RBFOX1: variants seen among roughly 807,000 people sequenced by gnomAD.
RBFOX1 encodes RNA binding fox-1 homolog 1.
A neutral mutation model predicts 57.7 loss-of-function variants in RBFOX1; 8 were observed. The observed-to-expected ratio is 0.14, with a 90% confidence interval of 0.08 to 0.25. The LOEUF (loss-of-function observed/expected upper bound fraction) is 0.25. RBFOX1 is among the 10% of genes least tolerant of loss of function. The probability of loss-of-function intolerance (pLI) is 1.00; values close to 1 mark genes in which losing one functional copy is unlikely to be tolerated. For synonymous variants in RBFOX1, 326 were observed against 222.4 expected (o/e 1.47, Z -4.15); for missense variants, 611 against 548.5 (o/e 1.11, Z -1.14).
chr16:7,633,526 TAAAC>T lies in RBFOX1; in HGVS notation c.757+2847_757+2850del, dbSNP rs537960182. Among the ~76,000 whole-genome samples the T allele has an allele frequency of 4.2e-3, 645 of 152,320 alleles. 5 individuals are homozygous for T. The highest frequency in any genetic ancestry group is 0.015 in the African/African-American group (604 of 41,558). On this transcript the variant is annotated intron_variant, in intron 11 of 15. Transcript: ENST00000550418. The stretch of plus-strand genomic sequence containing the variant: ...CATAGCAATTTTTTTTCAAAAATAT[TAAAC>T]AAAATAAACACCCTTCAATAGAGCA...
At chr16:6,936,930 T>C (rs931676178) in intron 3 of RBFOX1, among the ~76,000 whole-genome samples, 12 of 115,268 alleles carry the variant, frequency 1.0e-4, no homozygotes, top group African/African-American at 1.3e-4. Flanking sequence ...TGTGATCTCA[T>C]TGGGACTGTT....
At chr16:7,450,515 C>T (rs1331208914) in intron 4 of RBFOX1, among the ~76,000 whole-genome samples, 1 of 152,012 alleles carries the variant, frequency 6.6e-6, no homozygotes, top group Non-Finnish European at 1.5e-5. Context: ...GATAACGGCC[C>T]CCGACTCCCA....
At chr16:5,527,859 C>T (rs1250680857) in intron 2 of RBFOX1, among the ~76,000 whole-genome samples, 3 of 152,150 alleles carry the variant, frequency 2.0e-5, no homozygotes, top group Non-Finnish European at 4.4e-5. Flanking sequence ...AAGTGGGCCA[C>T]TCTAAGAAAA....
At chr16:6,594,714 T>C (rs570216513) in intron 2 of RBFOX1, among the ~76,000 whole-genome samples, 1 of 152,256 alleles carries the variant, frequency 6.6e-6, no homozygotes, top group East Asian at 1.9e-4. Context: ...TTGAGATGTT[T>C]TTATTGAGGT....
At chr16:6,859,833 T>C (rs781110803) in intron 3 of RBFOX1, among the ~76,000 whole-genome samples, 10 of 123,742 alleles carry the variant, frequency 8.1e-5, no homozygotes, top group Admixed American at 1.5e-4. Flanking sequence ...TGTTTCTTTA[T>C]AGAATCACAC....
intron 2 of RBFOX1, among the ~76,000 whole-genome samples, chr16:5,502,721 CTGTCTGCAGA>C (rs1391781976): frequency 6.6e-5 from 10 of 152,178 alleles, no homozygotes; most frequent in Non-Finnish European, 1.2e-4. Context: ...GAGTTATAGT[CTGTCTGCAGA>C]TGTCTGCAGA....
chr16:5,541,037 A>G (rs2044926244), intron 2 of RBFOX1, among the ~76,000 whole-genome samples: 1 of 151,992 alleles, frequency 6.6e-6, no homozygotes, highest in Non-Finnish European at 1.5e-5. Flanking sequence ...TCTAGTAGAG[A>G]TGGGGTTTCA....
intron 3 of RBFOX1, among the ~76,000 whole-genome samples, chr16:5,811,983 G>A (rs925935677): frequency 1.3e-5 from 2 of 152,170 alleles, no homozygotes; most frequent in African/African-American, 4.8e-5. Flanking sequence ...TGACTGATCT[G>A]ATTTCTATCT....
rs563441922 is a variant in RBFOX1, at chr16:5,990,271, A to G, written c.351+122936A>G. Among the ~76,000 whole-genome samples the G allele has an allele frequency of 7.9e-5, 12 of 151,346 alleles. No individual in the cohort carries two copies. The South Asian group carries it at 2.4e-3, about 30-fold the overall frequency. ...CTCCCAAATTGCTGGGGTTACAGGC[A>G]TGAGCCCACTGTACCCAGCCCATAA... On this transcript the variant is annotated intron_variant, in intron 4 of 19. Coordinates refer to the RBFOX1 transcript ENST00000641259.
intron 3 of RBFOX1, among the ~76,000 whole-genome samples, chr16:7,031,732 A>G (rs73538957): frequency 0.037 from 5,649 of 152,270 alleles, 369 homozygotes; most frequent in African/African-American, 0.13. Context: ...TTAAAATACT[A>G]TACTCTGTGC....
intron 1 of RBFOX1, among the ~76,000 whole-genome samples, chr16:5,281,223 A>G (rs1283526625): frequency 1.3e-5 from 2 of 152,060 alleles, no homozygotes; most frequent in African/African-American, 4.8e-5. Context: ...ATGTCCATGT[A>G]TTTGTACAGT....
At chr16:6,752,817 ATTT>A (rs71145286) in intron 3 of RBFOX1, among the ~76,000 whole-genome samples, 1 of 146,936 alleles carries the variant, frequency 6.8e-6, no homozygotes, top group African/African-American at 2.5e-5. Context: ...TCCTACTCCT[ATTT>A]TTTTTTTTTT....
chr16:7,140,150 T>TC (rs2073283489), intron 4 of RBFOX1, among the ~76,000 whole-genome samples: 15 of 52,614 alleles, frequency 2.9e-4, no homozygotes, highest in Non-Finnish European at 5.6e-4. Flanking sequence ...TATTCTCTCC[T>TC]TCTCTCCCTC....
chr16:5,953,803 T>C (rs1264349753), intron 4 of RBFOX1, among the ~76,000 whole-genome samples: 1 of 152,136 alleles, frequency 6.6e-6, no homozygotes, highest in African/African-American at 2.4e-5. Context: ...TGAATTGTGC[T>C]GCTGTAAACC....
chr16:5,908,002 C>G (rs150285371), intron 4 of RBFOX1, among the ~76,000 whole-genome samples: 2 of 151,418 alleles, frequency 1.3e-5, no homozygotes, highest in African/African-American at 2.4e-5. Context: ...CCACCCTCTT[C>G]GGCCTCTGCA....
chr16:6,388,173 A>C (rs185701837), intron 2 of RBFOX1, among the ~76,000 whole-genome samples: 9 of 151,914 alleles, frequency 5.9e-5, no homozygotes, highest in Admixed American at 5.9e-4. Context: ...TCACCTTGTT[A>C]ACCAGGATGG....
chr16:5,445,686 A>C (rs535946048), intron 1 of RBFOX1, among the ~76,000 whole-genome samples: 209 of 152,142 alleles, frequency 1.4e-3, no homozygotes, highest in Non-Finnish European at 2.4e-3. Context: ...GCTGCCTGGA[A>C]CTTAGCAGCC....
rs115372651 is a variant in RBFOX1 at position 7,401,604 on chromosome 16, C to A, written c.28-116543C>A. ...TATGTTGTTTATGCTCTGTGTGATT[C>A]TGGCAATAGGTAAATGCATTGATTA... is the stretch of plus-strand genomic sequence containing the variant. On this transcript the variant is annotated intron_variant, in intron 4 of 15. Coordinates refer to ENST00000550418, the MANE Select transcript of RBFOX1 (RefSeq NM_018723.4). 3.4e-3 allele frequency among the ~76,000 whole-genome samples: 519 copies of A among 152,324 alleles called. 3 individuals carry two copies. Among genetic ancestry groups the A allele is most frequent in the African/African-American group, 0.012 (504 of 41,576 alleles).
chr16:6,928,735 C>T (rs889041015), intron 3 of RBFOX1, among the ~76,000 whole-genome samples: 6 of 152,154 alleles, frequency 3.9e-5, no homozygotes, highest in Admixed American at 2.0e-4. Context: ...CAATCAATCA[C>T]GGTTGCATAT....
Sources: gnomAD v4.1 joint callset for allele counts (sites outside exome capture counted in the v4.1 genomes callset) on GRCh38, gnomAD v4.1.1 for gene constraint, MANE v1.5 for transcripts, NCBI Gene and HGNC (gene_info 2026-07-23, HGNC 2026-07-21) for gene names.